Variants in ARIH2 observed in about 807,000 individuals in gnomAD.
ARIH2 encodes E3 ubiquitin-protein ligase ARIH2.
ARIH2 carries 12 observed loss-of-function variants against 79.8 expected under a neutral mutation model. That is an observed-to-expected ratio of 0.15 (90% CI 0.10 to 0.24). ARIH2 has a LOEUF of 0.24. ARIH2 is among the 10% of genes least tolerant of loss of function. The probability of loss-of-function intolerance (pLI) is 1.00; values close to 1 mark genes in which losing one functional copy is unlikely to be tolerated. For synonymous variants in ARIH2, 224 were observed against 213.9 expected, an observed-to-expected ratio of 1.05 and a Z score of -0.41; for missense variants, 301 against 618.3, an observed-to-expected ratio of 0.49 and a Z score of 5.44.
intron 5 of ARIH2, among the ~76,000 whole-genome samples, chr3:48,965,866 CAGG>C (rs1234172957): frequency 6.6e-6 from 1 of 152,004 alleles, no homozygotes; most frequent in Middle Eastern, 3.2e-3. Context: ...GAGGCTGAGG[CAGG>C]AGAACTGGTT....
intron 9 of ARIH2, among the ~76,000 whole-genome samples, chr3:48,974,241 T>C (rs941679979): frequency 3.3e-5 from 5 of 152,170 alleles, no homozygotes; most frequent in African/African-American, 1.2e-4. Context: ...TAGGGGCCAC[T>C]GTACCCTTTG....
rs999037666 is a variant in ARIH2, at chr3:48,921,813, G to A, written c.-161-935G>A. On this transcript the variant is annotated intron_variant, in intron 1 of 15. Coordinates refer to ENST00000356401, the MANE Select transcript of ARIH2 (RefSeq NM_006321.4). ...GTCGCCTAGACTGGAGTGTAGTGGC[G>A]TGATCTTGGCTCACTGCAGCCTCAA... is the stretch of plus-strand genomic sequence containing the variant. Among the ~76,000 whole-genome samples the A allele has an allele frequency of 6.0e-5, 9 of 150,942 alleles. No individual in the cohort carries two copies. The South Asian group carries it at 1.0e-3, about 17-fold the overall frequency.
chr3:48,946,828 T>TG (rs2089219819), intron 3 of ARIH2, among the ~76,000 whole-genome samples: 2 of 152,210 alleles, frequency 1.3e-5, no homozygotes, highest in African/African-American at 4.8e-5. Context: ...TTTGACTCTG[T>TG]GAAAGCCTTC....
At chr3:48,931,371 C>G (rs747633821) in intron 3 of ARIH2, among the ~76,000 whole-genome samples, 1 of 151,622 alleles carries the variant, frequency 6.6e-6, no homozygotes, top group East Asian at 2.0e-4. Flanking sequence ...CGGTGAAACC[C>G]CATCTCTACT....
At chr3:48,945,154 C>T (rs2088935376) in intron 3 of ARIH2, 1 of 1,289,812 alleles carries the variant, frequency 7.8e-7, no homozygotes, top group East Asian at 5.5e-5. Context: ...TGCTCACTGC[C>T]ATCAGCTGCA....
chr3:48,946,901 C>T (rs1466235989), intron 3 of ARIH2, among the ~76,000 whole-genome samples: 1 of 152,150 alleles, frequency 6.6e-6, no homozygotes, highest in African/African-American at 2.4e-5. Flanking sequence ...ATGCTTGCCC[C>T]CACTTTTCTA....
At position 48,974,798 on chromosome 3, in the gene ARIH2, C is replaced by A. The variant is rs1396128560; in HGVS notation, c.889-19C>A. 6.2e-7 allele frequency: 1 copy of A among 1,612,394 alleles called. No homozygotes were observed. The highest frequency in any genetic ancestry group is 8.5e-7 in the Non-Finnish European group (1 of 1,179,844). ...ACCTGGTGGTGTGTGAGCCTAATGG[C>A]ACCCTTCTGTCTCCTCAGTGTCCCA... is the stretch of plus-strand genomic sequence containing the variant. On this transcript the variant is annotated intron_variant, in intron 9 of 15. Transcript: ENST00000356401.
Position 48,918,925 on chromosome 3 carries a change from A to G in ARIH2, c.-235A>G, listed in dbSNP as rs765334565. ...GCCGCCTCCGCTGCCGCTTCGCCCC[A>G]ATCCGGTCCCTCTGGCCCGGCCTGA... On this transcript the variant is annotated 5_prime_UTR_variant, in exon 1 of 16. Coordinates refer to ENST00000356401, the MANE Select transcript of ARIH2 (RefSeq NM_006321.4). 2.4e-5 allele frequency: 39 copies of G among 1,595,224 alleles called. No homozygotes were observed. The East Asian group carries it at 3.8e-4, about 16-fold the overall frequency.
chr3:48,934,795 A>G (rs2086887010), intron 3 of ARIH2: 2 of 985,296 alleles, frequency 2.0e-6, no homozygotes, highest in Non-Finnish European at 2.4e-6. Context: ...AGTTATTGTC[A>G]TCGCTGTGTA....
intron 1 of ARIH2, among the ~76,000 whole-genome samples, chr3:48,920,353 T>C (rs1169341404): frequency 6.6e-6 from 1 of 150,916 alleles, no homozygotes; most frequent in African/African-American, 2.4e-5. Flanking sequence ...AACTTTGAGA[T>C]GATTAAAAAT....
In ARIH2 at chr3:48,984,721, T is replaced by C. The variant is rs2092858678; in HGVS notation, c.*1451T>C. ...CTGCTTGACCTCCAAGTAGAGCTGA[T>C]ACAGAGATCTGTGAATATTGTGATA... On this transcript the variant is annotated 3_prime_UTR_variant, in exon 16 of 16. Transcript: ENST00000356401. 1 of 152,230 alleles carries C rather than the reference T, an allele frequency of 6.6e-6. No homozygotes were observed. Among genetic ancestry groups the C allele is most frequent in the African/African-American group, 2.4e-5 (1 of 41,452 alleles). 9.4% of individuals were successfully genotyped at this position (152,230 alleles called of 1,614,324 possible).
At chr3:48,971,800 G>A (rs2107622752) in intron 8 of ARIH2, among the ~76,000 whole-genome samples, 1 of 152,312 alleles carries the variant, frequency 6.6e-6, no homozygotes, top group Admixed American at 6.5e-5. Flanking sequence ...CAGGATCACA[G>A]CAGATTCAGA....
chr3:48,963,483 C>G (rs1227516859), intron 4 of ARIH2, among the ~76,000 whole-genome samples: 1 of 152,276 alleles, frequency 6.6e-6, no homozygotes, highest in East Asian at 1.9e-4. Flanking sequence ...TGCTCCAATT[C>G]CTGGTATCTT....
chr3:48,952,835 A>G (rs1228812390), intron 3 of ARIH2, among the ~76,000 whole-genome samples: 2 of 152,218 alleles, frequency 1.3e-5, no homozygotes, highest in South Asian at 2.1e-4. Flanking sequence ...TGTCAGCAAG[A>G]TAAGGTATGA....
intron 3 of ARIH2, among the ~76,000 whole-genome samples, chr3:48,957,593 G>C (rs918844391): frequency 1.3e-5 from 2 of 152,194 alleles, no homozygotes; most frequent in Non-Finnish European, 2.9e-5. Context: ...GAGACATGTA[G>C]AAGTCAGAAC....
At chr3:48,948,984 T>C (rs879023062) in intron 3 of ARIH2, 6 of 420,098 alleles carry the variant, frequency 1.4e-5, no homozygotes, top group South Asian at 9.8e-5. Context: ...GTTTCTAATT[T>C]TGGGCTACTA....
Position 48,984,293 on chromosome 3 carries a change from C to G in ARIH2, c.*1023C>G, listed in dbSNP as rs750101446. ...CATCAGGGTCAGAATTCAGGATAGC[C>G]CTTCCTAGGGCACTGGACTTTCTGG... On this transcript the variant is annotated 3_prime_UTR_variant, in exon 16 of 16. Transcript: ENST00000356401. 2.0e-5 allele frequency: 3 copies of G among 152,648 alleles called. No individual in the cohort carries two copies. The highest frequency in any genetic ancestry group is 4.8e-5 in the African/African-American group (2 of 41,416). The allele number at this position is 152,648 out of a possible 1,614,324, so 9.5% of individuals were successfully genotyped here. A position where few individuals can be genotyped will look rare whatever the true frequency, so the allele number is the denominator to read the frequency against.
intron 2 of ARIH2, among the ~76,000 whole-genome samples, chr3:48,925,534 T>C (rs2085457658): frequency 6.6e-6 from 1 of 152,118 alleles, no homozygotes; most frequent in Non-Finnish European, 1.5e-5. Context: ...AGTTCTGGGA[T>C]TATAGTTGTG....
intron 3 of ARIH2, among the ~76,000 whole-genome samples, chr3:48,953,413 T>G (rs1039040045): frequency 1.3e-5 from 2 of 152,186 alleles, no homozygotes; most frequent in Non-Finnish European, 2.9e-5. Flanking sequence ...TTTTTTTTAT[T>G]TTTTATTTTA....
Sources: gnomAD v4.1 joint callset for allele counts (sites outside exome capture counted in the v4.1 genomes callset) on GRCh38, gnomAD v4.1.1 for gene constraint, MANE v1.5 for transcripts, NCBI Gene and HGNC (gene_info 2026-07-23, HGNC 2026-07-21) for gene names.